The following LRP1B variants were observed in gnomAD, a reference collection of about 807,000 sequenced individuals.
The protein encoded by LRP1B is LDL receptor related protein 1B.
LRP1B carries 217 observed loss-of-function variants against 556.6 expected under a neutral mutation model. That is an observed-to-expected ratio of 0.39 (90% CI 0.35 to 0.44). LRP1B has a LOEUF of 0.44. Among genes scored for constraint, LRP1B ranks in the 20% least tolerant of loss-of-function variants. The pLI is 1.00. For synonymous variants in LRP1B, 2,047 were observed against 1,865.8 expected (o/e 1.10, Z -2.50); for missense variants, 5,053 against 5,620.8 (o/e 0.90, Z 3.23).
At chr2:140,350,627 A>G (rs1236582312) in intron 77 of LRP1B, among the ~76,000 whole-genome samples, 170 bp downstream of exon 77, 1 of 152,054 alleles carries the variant, frequency 6.6e-6, no homozygotes, top group Non-Finnish European at 1.5e-5. Flanking sequence ...TAAATCATGT[A>G]CAGCTATGAG....
intron 1 of LRP1B, among the ~76,000 whole-genome samples, chr2:142,074,001 C>T (rs1363425966): frequency 6.6e-6 from 1 of 151,920 alleles, no homozygotes; most frequent in Non-Finnish European, 1.5e-5. Flanking sequence ...TTTAATTTTC[C>T]AGTCTCAGGT....
intron 83 of LRP1B, among the ~76,000 whole-genome samples, chr2:140,311,483 G>A (rs1411769743): frequency 2.6e-5 from 4 of 151,760 alleles, no homozygotes; most frequent in African/African-American, 4.8e-5. Flanking sequence ...ATGTGTACAC[G>A]TAGACATGTT....
chr2:140,779,709 A>AG (rs1314401125), intron 32 of LRP1B, among the ~76,000 whole-genome samples: 4 of 148,050 alleles, frequency 2.7e-5, no homozygotes, highest in Admixed American at 6.8e-5. Flanking sequence ...AAAAAAAAAA[A>AG]AAAAAGTGTG....
In LRP1B at chr2:141,590,268, G is replaced by T. The variant is rs527986701; in HGVS notation, c.206-109735C>A. On this transcript the variant is annotated intron_variant, in intron 2 of 90. Coordinates refer to ENST00000389484, the MANE Select transcript of LRP1B (RefSeq NM_018557.3). ...GAGACTTAGATAACATGAAACATAT[G>T]AACTAAATTGTGTTTGCCTGACATA... is the stretch of plus-strand genomic sequence containing the variant. 9.9e-5 allele frequency among the ~76,000 whole-genome samples: 15 copies of T among 152,204 alleles called. No homozygotes were observed. The South Asian group carries it at 1.9e-3, about 19-fold the overall frequency.
chr2:140,743,965 CAAAAAAA>C (rs780716758), intron 35 of LRP1B, among the ~76,000 whole-genome samples: 3 of 2,580 alleles, frequency 1.2e-3, no homozygotes, highest in East Asian at 8.2e-3. Flanking sequence ...GACTTGGTCT[CAAAAAAA>C]AAAAAAAAAA....
intron 3 of LRP1B, among the ~76,000 whole-genome samples, chr2:141,333,324 A>G (rs1045814364): frequency 2.6e-5 from 4 of 152,112 alleles, no homozygotes; most frequent in African/African-American, 9.7e-5. Flanking sequence ...AGAATCATTT[A>G]CCTCATCTAG....
intron 3 of LRP1B, among the ~76,000 whole-genome samples, chr2:141,474,846 T>C (rs563724632): frequency 6.6e-6 from 1 of 152,292 alleles, no homozygotes; most frequent in South Asian, 2.1e-4. Flanking sequence ...ATGTCAGAGT[T>C]TTTTTTCTCC....
chr2:140,352,963 G>A lies in LRP1B; in HGVS notation c.11640C>T (p.Cys3880=). ...DQNFQERNNT[C]IAEGSEDQVL... Reference sequence around the variant, plus strand: ...TGGTTATAATCTTACCTTCTGCTATGCAGGTGTTATTTCTTTCTTGAAAAT... The same window carrying A: ...TGGTTATAATCTTACCTTCTGCTATACAGGTGTTATTTCTTTCTTGAAAAT... The change falls in exon 76 of 91, where the codon TGC becomes TGT. Residue 3880 remains cysteine (C), a synonymous_variant. Transcript: ENST00000389484. The A allele has an allele frequency of 1.2e-6, 2 of 1,611,872 alleles. No homozygotes were observed. The highest frequency in any genetic ancestry group is 2.2e-5 in the South Asian group (2 of 90,900).
chr2:140,784,199 T>C (rs1211883707), intron 32 of LRP1B, among the ~76,000 whole-genome samples: 1 of 152,074 alleles, frequency 6.6e-6, no homozygotes, highest in Admixed American at 6.6e-5. Flanking sequence ...AATGTTCAAA[T>C]AGGGTTAAGA....
intron 43 of LRP1B, among the ~76,000 whole-genome samples, chr2:140,591,706 A>G (rs483029): frequency 0.99 from 150,561 of 152,318 alleles, 74,441 homozygotes; most frequent in Middle Eastern, 1. Context: ...CTCTGCCCAG[A>G]TTTCAAATGT....
At chr2:140,709,860 A>C (rs1043536853) in intron 37 of LRP1B, among the ~76,000 whole-genome samples, 1 of 152,090 alleles carries the variant, frequency 6.6e-6, no homozygotes, top group Non-Finnish European at 1.5e-5. Context: ...TTCATTTTTA[A>C]GTCTTTTATT....
chr2:142,007,570 CTATT>C (rs1196464955), intron 1 of LRP1B, among the ~76,000 whole-genome samples: 1 of 152,114 alleles, frequency 6.6e-6, no homozygotes, highest in Non-Finnish European at 1.5e-5. Context: ...AGGAAAGAAT[CTATT>C]TATTTTTTCT....
chr2:140,766,844 T>TATTA (rs1491148843), intron 35 of LRP1B, among the ~76,000 whole-genome samples: 6 of 54,936 alleles, frequency 1.1e-4, no homozygotes, highest in African/African-American at 3.0e-4. Flanking sequence ...TATATATATA[T>TATTA]TATATATATA....
Position 142,110,911 on chromosome 2 carries a change from C to A in LRP1B, c.82+19737G>T, listed in dbSNP as rs569332219. On this transcript the variant is annotated intron_variant, in intron 1 of 90. Coordinates refer to ENST00000389484, the MANE Select transcript of LRP1B (RefSeq NM_018557.3). ...TATGGCAGCAATAGTCTATATGGCACTTTTGTGCTAATTAGAAAAAGGCAA... is the reference window on the plus strand; with the variant it reads ...TATGGCAGCAATAGTCTATATGGCAATTTTGTGCTAATTAGAAAAAGGCAA... Among the ~76,000 whole-genome samples the A allele has an allele frequency of 3.9e-5, 6 of 152,244 alleles. No homozygotes were observed. The South Asian group carries it at 1.0e-3, about 26-fold the overall frequency.
At chr2:140,621,953 G>A (rs919398343) in intron 41 of LRP1B, among the ~76,000 whole-genome samples, 6 of 152,144 alleles carry the variant, frequency 3.9e-5, no homozygotes, top group Non-Finnish European at 5.9e-5. Context: ...TTCAGCACCC[G>A]GAAGAAATCA....
chr2:140,494,665 GGAAGATAA>G (rs1357994051), intron 56 of LRP1B, among the ~76,000 whole-genome samples: 1 of 149,886 alleles, frequency 6.7e-6, no homozygotes, highest in East Asian at 2.0e-4. Flanking sequence ...ATTCAGGGAA[GGAAGATAA>G]GTGATGGTGG....
chr2:140,817,390 T>C (rs768408749), intron 31 of LRP1B, among the ~76,000 whole-genome samples: 4 of 151,974 alleles, frequency 2.6e-5, no homozygotes, highest in Non-Finnish European at 4.4e-5. Context: ...TTTTTACTTA[T>C]CTTTTCTATT....
At chr2:141,962,580 T>C (rs1314425550) in intron 1 of LRP1B, among the ~76,000 whole-genome samples, 1 of 151,736 alleles carries the variant, frequency 6.6e-6, no homozygotes, top group African/African-American at 2.4e-5. Flanking sequence ...TATTTTAAGT[T>C]TTTTCTGAGT....
At chr2:141,715,596 C>T (rs1157716009) in intron 2 of LRP1B, among the ~76,000 whole-genome samples, 1 of 152,142 alleles carries the variant, frequency 6.6e-6, no homozygotes, top group Non-Finnish European at 1.5e-5. Flanking sequence ...AGCCGGATCA[C>T]CTGAGGCCAG....
Sources: allele counts gnomAD v4.1 joint callset (sites outside exome capture counted in the v4.1 genomes callset), GRCh38; gene constraint gnomAD v4.1.1; transcripts MANE v1.5; gene names NCBI Gene and HGNC (gene_info 2026-07-23, HGNC 2026-07-21).